TSPEAR: variants seen among roughly 807,000 people sequenced by gnomAD.
TSPEAR encodes thrombospondin type laminin G domain and EAR repeats.
Under a neutral mutation model 71.6 loss-of-function variants are expected in TSPEAR, and 69 were observed. The ratio of observed to expected loss-of-function variants is 0.96; its 90% CI spans 0.79 to 1.18. The LOEUF (loss-of-function observed/expected upper bound fraction) is 1.18. Among genes scored for constraint, TSPEAR ranks in the 50% most tolerant of loss-of-function variants. The pLI is 0.00. For synonymous variants in TSPEAR, 402 were observed against 387.2 expected, an observed-to-expected ratio of 1.04 and a Z score of -0.45; for missense variants, 971 against 894.9, an observed-to-expected ratio of 1.09 and a Z score of -1.09.
chr21:44,677,149 A>G (rs1286020123), intron 1 of TSPEAR: 15 of 715,170 alleles, frequency 2.1e-5, no homozygotes, highest in African/African-American at 5.2e-5. Flanking sequence ...CATGTTGTGA[A>G]GTTTATATGA....
rs782555120 is a variant in TSPEAR at position 44,612,736 on chromosome 21, C to G, written c.83-44731G>C. On this transcript the variant is annotated intron_variant, in intron 1 of 11. Transcript: ENST00000323084. This position sits in a 1 kb window ranked among gnomAD's most constrained non-coding sequence, Gnocchi z 4.1. The stretch of plus-strand genomic sequence containing the variant: ...GACCCTCCTCCTCCGTGTCCCTCCT[C>G]TGCCGCCCTGTGTGCCGGCCTGCCT... 1.9e-6 allele frequency: 3 copies of G among 1,613,840 alleles called. No homozygotes were observed. The highest frequency in any genetic ancestry group is 2.5e-6 in the Non-Finnish European group (3 of 1,179,960).
chr21:44,529,755 C>G (rs782128043), intron 5 of TSPEAR, 43 bp downstream of exon 5: 2 of 1,609,724 alleles, frequency 1.2e-6, no homozygotes, highest in Admixed American at 1.7e-5. Context: ...CCAGGGCTCT[C>G]GCATCTGCCT....
intron 1 of TSPEAR, among the ~76,000 whole-genome samples, chr21:44,610,518 G>A (rs781961244): frequency 1.3e-5 from 2 of 152,254 alleles, no homozygotes; most frequent in Non-Finnish European, 2.9e-5. Flanking sequence ...ATATGGAAAC[G>A]CATGGATGCC....
chr21:44,615,160 G>A (rs1981993184), intron 1 of TSPEAR, among the ~76,000 whole-genome samples: 1 of 152,252 alleles, frequency 6.6e-6, no homozygotes, highest in Non-Finnish European at 1.5e-5. Flanking sequence ...TCCGGCGCAT[G>A]TACGTAAGCG....
intron 2 of TSPEAR, among the ~76,000 whole-genome samples, chr21:44,554,699 G>T (rs587627166): frequency 6.6e-6 from 1 of 152,250 alleles, no homozygotes; most frequent in Admixed American, 6.5e-5. Flanking sequence ...GCTCATGCCA[G>T]TTGTGGAAAT....
At chr21:44,663,017 A>G (rs1985576729) in intron 1 of TSPEAR, among the ~76,000 whole-genome samples, 1 of 152,152 alleles carries the variant, frequency 6.6e-6, no homozygotes, top group South Asian at 2.1e-4. Context: ...ACAAAGAAGA[A>G]AGTCCTGAAA....
chr21:44,583,925 A>T (rs587658711), intron 1 of TSPEAR, among the ~76,000 whole-genome samples: 2 of 152,282 alleles, frequency 1.3e-5, no homozygotes, highest in African/African-American at 4.8e-5. Flanking sequence ...ATTCTGTGTT[A>T]CAGTCAACTG....
chr21:44,505,727 A>G (rs1391931188), intron 10 of TSPEAR, among the ~76,000 whole-genome samples: 1 of 151,514 alleles, frequency 6.6e-6, no homozygotes, highest in East Asian at 1.9e-4. Flanking sequence ...TCCGTGTCGC[A>G]CTGTGTGTCA....
intron 9 of TSPEAR, among the ~76,000 whole-genome samples, 185 bp downstream of exon 9, chr21:44,521,698 C>T (rs28406087): frequency 2.0e-3 from 301 of 152,334 alleles, no homozygotes; most frequent in Middle Eastern, 6.8e-3. Flanking sequence ...AGGGCTCAGA[C>T]GCCAGGCAAG....
intron 1 of TSPEAR, among the ~76,000 whole-genome samples, chr21:44,703,383 T>C (rs1247610628): frequency 2.0e-5 from 3 of 152,248 alleles, no homozygotes; most frequent in South Asian, 2.1e-4. Context: ...ATGTCTCTGA[T>C]GGCACATCTG....
Position 44,600,565 on chromosome 21 carries a change from CTCACTCAT to C in TSPEAR, c.83-32568_83-32561del, listed in dbSNP as rs1319180863. The C allele has an allele frequency of 1.1e-3, 1,740 of 1,559,106 alleles. 22 individuals carry two copies. The African/African-American group carries it at 0.022, about 20-fold the overall frequency. Reference sequence around the variant, plus strand: ...CCTGAGCACCTAACACACGGACTCACTCACTCATTCACTCACTCACCCACTCACTCCCA... The same window carrying C: ...CCTGAGCACCTAACACACGGACTCACTCACTCACTCACCCACTCACTCCCA... On this transcript the variant is annotated intron_variant, in intron 1 of 11. Coordinates refer to ENST00000323084, the MANE Select transcript of TSPEAR (RefSeq NM_144991.3).
At position 44,521,985 on chromosome 21, in the gene TSPEAR, C is replaced by T. The variant is rs139067762; in HGVS notation, c.1464G>A (p.Ser488=). 9.3e-6 allele frequency: 15 copies of T among 1,614,118 alleles called. No homozygotes were observed. Among genetic ancestry groups the T allele is most frequent in the Admixed American group, 1.7e-5 (1 of 60,026 alleles). Residue 488 remains serine (S), a synonymous_variant, in exon 9 of 12, where the codon TCG becomes TCA. Coordinates refer to ENST00000323084, the MANE Select transcript of TSPEAR (RefSeq NM_144991.3). ...TGAAGGTGTTGGCCACCACCAGGAA[C>T]GAGTAGGGCCCCACACTGAAGAACT... ...DWEFFSVGPY[S]FLVVANTFNG... is the part of the protein sequence containing the mutation.
rs782582804 is a variant in TSPEAR, at chr21:44,711,524, G to T, written c.-10C>A. 2.5e-6 allele frequency: 4 copies of T among 1,609,034 alleles called. No individual in the cohort carries two copies. The highest frequency in any genetic ancestry group is 1.1e-5 in the South Asian group (1 of 90,330). On this transcript the variant is annotated 5_prime_UTR_variant, in exon 1 of 12. Coordinates refer to ENST00000323084, the MANE Select transcript of TSPEAR (RefSeq NM_144991.3). This position sits in a 1 kb window ranked among gnomAD's most constrained non-coding sequence, Gnocchi z 4.5. ...TCAGCAGGGCAGACATGAGGGGCTT[G>T]GGTGCCAAGCTCCATCCAGGGCTCC...
intron 1 of TSPEAR, among the ~76,000 whole-genome samples, chr21:44,692,218 C>T (rs1262020269): frequency 2.6e-5 from 4 of 152,130 alleles, no homozygotes; most frequent in African/African-American, 9.7e-5. Flanking sequence ...ACATGCTAAA[C>T]AGCATGTATG....
chr21:44,592,572 C>T, intron 1 of TSPEAR: 10 of 1,528,222 alleles, frequency 6.5e-6, no homozygotes, highest in African/African-American at 1.4e-5. Context: ...CTTGTTGTCC[C>T]CGGGCCCACA....
chr21:44,554,670 C>T (rs1210599698), intron 2 of TSPEAR, among the ~76,000 whole-genome samples: 1 of 152,198 alleles, frequency 6.6e-6, no homozygotes, highest in Non-Finnish European at 1.5e-5. Flanking sequence ...ACACGTGGCT[C>T]TTGAGTGCTT....
At chr21:44,522,729 G>C (rs189235405) in intron 8 of TSPEAR, among the ~76,000 whole-genome samples, 11 of 152,386 alleles carry the variant, frequency 7.2e-5, no homozygotes, top group Admixed American at 5.9e-4. Flanking sequence ...GCTCCTCACT[G>C]TCTCTGCTGG....
In TSPEAR at chr21:44,563,707, T is replaced by C. The variant is rs188636636; in HGVS notation, c.303+4078A>G. On this transcript the variant is annotated intron_variant, in intron 2 of 11. Transcript: ENST00000323084. ...TGTTAGTAGTAATTACATAAAGTCA[T>C]TGCAAATACTGAATTAGGAAATAAT... is the stretch of plus-strand genomic sequence containing the variant. 5.7e-4 allele frequency among the ~76,000 whole-genome samples: 87 copies of C among 152,288 alleles called. 1 individual carries two copies. The highest frequency in any genetic ancestry group is 3.4e-3 in the Middle Eastern group (1 of 294).
chr21:44,649,032 C>A (rs913921475), intron 1 of TSPEAR, among the ~76,000 whole-genome samples: 1 of 152,198 alleles, frequency 6.6e-6, no homozygotes, highest in Non-Finnish European at 1.5e-5. Flanking sequence ...GAGGGAGATG[C>A]GGGACCCACT....
Sources: allele counts gnomAD v4.1 joint callset (sites outside exome capture counted in the v4.1 genomes callset), GRCh38; gene constraint gnomAD v4.1.1; non-coding constraint Gnocchi (gnomAD v3.1); transcripts MANE v1.5; gene names NCBI Gene and HGNC (gene_info 2026-07-23, HGNC 2026-07-21).